SLC9A9: variants seen among roughly 807,000 people sequenced by gnomAD.
The protein encoded by SLC9A9 is sodium/hydrogen exchanger 9.
Under a neutral mutation model 77.8 loss-of-function variants are expected in SLC9A9, and 62 were observed. The ratio of observed to expected loss-of-function variants is 0.80; its 90% confidence interval spans 0.65 to 0.98. The LOEUF is 0.98. SLC9A9 is among the 50% of genes least tolerant of loss of function. The probability of loss-of-function intolerance (pLI) is 0.00; values close to 1 mark genes in which losing one functional copy is unlikely to be tolerated. For synonymous variants in SLC9A9, 320 were observed against 283.5 expected (o/e 1.13, Z -1.29); for missense variants, 775 against 774.9 (o/e 1.00, Z 0.00).
intron 8 of SLC9A9, among the ~76,000 whole-genome samples, chr3:143,554,544 G>A (rs573458032): frequency 9.9e-5 from 15 of 152,264 alleles, no homozygotes; most frequent in African/African-American, 3.1e-4. Context: ...GGATTACAAC[G>A]ATAGCTTCCT....
intron 9 of SLC9A9, chr3:143,504,338 A>G (rs967195750): frequency 5.7e-6 from 1 of 176,984 alleles, no homozygotes; most frequent in African/African-American, 2.4e-5. Context: ...TGGGAGGAGA[A>G]GAGAGCTGCT....
intron 4 of SLC9A9, among the ~76,000 whole-genome samples, chr3:143,708,119 T>A (rs1410969637): frequency 6.6e-6 from 1 of 152,158 alleles, no homozygotes; most frequent in African/African-American, 2.4e-5. Flanking sequence ...TAAATCACAA[T>A]GTTGACATGC....
At chr3:143,456,001 A>G (rs998309863) in intron 12 of SLC9A9, among the ~76,000 whole-genome samples, 9 of 151,964 alleles carry the variant, frequency 5.9e-5, no homozygotes, top group Non-Finnish European at 1.2e-4. Flanking sequence ...ATTAGGGAGA[A>G]AGCATTTGGC....
chr3:143,737,086 T>C (rs1934958234), intron 4 of SLC9A9, among the ~76,000 whole-genome samples: 1 of 152,220 alleles, frequency 6.6e-6, no homozygotes, highest in Non-Finnish European at 1.5e-5. Context: ...AATAACTCAG[T>C]AGACTTCATG....
At chr3:143,753,258 C>T (rs952555115) in intron 4 of SLC9A9, among the ~76,000 whole-genome samples, 17 of 152,072 alleles carry the variant, frequency 1.1e-4, no homozygotes, top group African/African-American at 3.6e-4. Flanking sequence ...TGGGATTTGG[C>T]CTGCATGAAA....
intron 11 of SLC9A9, among the ~76,000 whole-genome samples, chr3:143,479,107 T>A (rs1349870349): frequency 6.6e-6 from 1 of 152,206 alleles, no homozygotes; most frequent in African/African-American, 2.4e-5. Flanking sequence ...ACGGTCTGAT[T>A]ATCCACAAGA....
intron 12 of SLC9A9, among the ~76,000 whole-genome samples, chr3:143,445,264 G>A (rs1439276114): frequency 1.3e-5 from 2 of 152,090 alleles, no homozygotes; most frequent in African/African-American, 4.8e-5. Flanking sequence ...AGTATATCAC[G>A]GGGTTCCCCA....
intron 12 of SLC9A9, among the ~76,000 whole-genome samples, chr3:143,443,971 G>T (rs553178268): frequency 6.6e-6 from 1 of 152,194 alleles, no homozygotes; most frequent in African/African-American, 2.4e-5. Context: ...AGTGGCTTGG[G>T]GTTTCCTGAC....
At chr3:143,801,030 C>A (rs777285514) in intron 2 of SLC9A9, among the ~76,000 whole-genome samples, 18 of 152,188 alleles carry the variant, frequency 1.2e-4, no homozygotes, top group Non-Finnish European at 2.1e-4. Flanking sequence ...CTGGTTTTGC[C>A]ATCCTAACAA....
At chr3:143,728,108 C>T (rs1265162205) in intron 4 of SLC9A9, among the ~76,000 whole-genome samples, 1 of 152,138 alleles carries the variant, frequency 6.6e-6, no homozygotes, top group Non-Finnish European at 1.5e-5. Context: ...AGATGATAAC[C>T]ACATTTCTAA....
At chr3:143,646,509 T>C (rs923213444) in intron 6 of SLC9A9, among the ~76,000 whole-genome samples, 5 of 151,088 alleles carry the variant, frequency 3.3e-5, no homozygotes, top group Admixed American at 2.0e-4. Flanking sequence ...AAATGTATTG[T>C]GAATATCTTT....
chr3:143,412,838 CCA>C (rs2034120800), intron 12 of SLC9A9, among the ~76,000 whole-genome samples: 1 of 152,174 alleles, frequency 6.6e-6, no homozygotes, highest in Non-Finnish European at 1.5e-5. Flanking sequence ...TTCTCTCTTC[CCA>C]CAGTGTCTTA....
At chr3:143,567,135 G>T (rs2037181651) in intron 8 of SLC9A9, among the ~76,000 whole-genome samples, 1 of 152,104 alleles carries the variant, frequency 6.6e-6, no homozygotes, top group Admixed American at 6.6e-5. Context: ...CTCACAGAGA[G>T]AATTCCTTAG....
At chr3:143,603,562 C>T (rs1576604369) in intron 6 of SLC9A9, among the ~76,000 whole-genome samples, 1 of 152,230 alleles carries the variant, frequency 6.6e-6, no homozygotes, top group African/African-American at 2.4e-5. Context: ...AGTTCTCACT[C>T]AACAGCCATA....
At chr3:143,577,314 C>T (rs1477487769) in intron 7 of SLC9A9, among the ~76,000 whole-genome samples, 11 of 152,178 alleles carry the variant, frequency 7.2e-5, no homozygotes. Context: ...CTTCCAGATG[C>T]CACATTGGTC....
At chr3:143,548,682 T>C (rs188970440) in intron 9 of SLC9A9, among the ~76,000 whole-genome samples, 19 of 152,280 alleles carry the variant, frequency 1.2e-4, no homozygotes, top group Admixed American at 1.2e-3. Flanking sequence ...GCCTAACACA[T>C]AGCGATGTTA....
intron 11 of SLC9A9, among the ~76,000 whole-genome samples, chr3:143,492,702 G>A (rs999250387): frequency 2.6e-5 from 4 of 152,172 alleles, no homozygotes; most frequent in Admixed American, 6.5e-5. Flanking sequence ...TGCTTCACAG[G>A]ATTAATTAAA....
chr3:143,793,372 A>T (rs73158077), intron 4 of SLC9A9, among the ~76,000 whole-genome samples: 4,025 of 152,298 alleles, frequency 0.026, 108 homozygotes, highest in Non-Finnish European at 0.036. Flanking sequence ...GCACTTAAAT[A>T]TACTTAAAAC....
chr3:143,502,291 G>A (rs2035935301), intron 9 of SLC9A9, among the ~76,000 whole-genome samples: 1 of 143,782 alleles, frequency 7.0e-6, no homozygotes, highest in Non-Finnish European at 1.5e-5. Flanking sequence ...AGTTAATAGT[G>A]CAAACAAGAC....
Sources: allele counts gnomAD v4.1 joint callset (sites outside exome capture counted in the v4.1 genomes callset), GRCh38; gene constraint gnomAD v4.1.1; transcripts MANE v1.5; gene names NCBI Gene and HGNC (gene_info 2026-07-23, HGNC 2026-07-21).